Variants in SPRTN observed in about 807,000 individuals in gnomAD.
The protein encoded by SPRTN is SprT-like N-terminal domain.
SPRTN carries 11 observed loss-of-function variants against 31.9 expected under a neutral mutation model. That is an observed-to-expected ratio of 0.34 (90% CI 0.22 to 0.57). The LOEUF is 0.57. Among genes scored for constraint, SPRTN ranks in the 20% least tolerant of loss-of-function variants. The probability of loss-of-function intolerance (pLI) is 0.86; values close to 1 mark genes in which losing one functional copy is unlikely to be tolerated. For synonymous variants in SPRTN, 185 were observed against 212.1 expected (o/e 0.87, Z 1.11); for missense variants, 482 against 590.1 (o/e 0.82, Z 1.90).
chr1:231,340,060 A>AAC, intron 2 of SPRTN, 192 bp downstream of exon 2: 1 of 495,850 alleles, frequency 2.0e-6, no homozygotes, highest in East Asian at 3.8e-5. Context: ...AAAAAAAAAA[A>AAC]ACAAAAAAAA....
chr1:231,346,632 G>GT (rs944213380), intron 2 of SPRTN, among the ~76,000 whole-genome samples: 3 of 152,044 alleles, frequency 2.0e-5, no homozygotes, highest in African/African-American at 4.8e-5. Context: ...TTTACTTGGT[G>GT]TTTTTTTCCT....
intron 2 of SPRTN, among the ~76,000 whole-genome samples, chr1:231,346,168 T>TTTTTCTTTTC (rs1214467140): frequency 8.3e-6 from 1 of 120,562 alleles, no homozygotes; most frequent in Non-Finnish European, 1.7e-5. Flanking sequence ...AGTTGGGCAT[T>TTTTTCTTTTC]TTTTCTTTTC....
At position 231,353,295 on chromosome 1, in the gene SPRTN, T is replaced by A; in HGVS notation, c.1404T>A (p.Ile468=). The part of the protein sequence containing the change: ...VCQNEVLESQ[I]NEHLDWCLEG... ...AGAATGAAGTTCTGGAGTCTCAGAT[T>A]AATGAGCACTTGGACTGGTGCCTTG... Residue 468 remains isoleucine (I), a synonymous_variant, in exon 5 of 5, where the codon ATT becomes ATA. Coordinates refer to ENST00000295050, the MANE Select transcript of SPRTN (RefSeq NM_032018.7). 1 of 1,612,130 alleles carries A rather than the reference T, an allele frequency of 6.2e-7. No individual in the cohort carries two copies. The highest frequency in any genetic ancestry group is 1.3e-5 in the African/African-American group (1 of 74,894).
chr1:231,340,055 A>AAAAAAAAC, intron 2 of SPRTN, 187 bp downstream of exon 2: 1 of 500,426 alleles, frequency 2.0e-6, no homozygotes, highest in South Asian at 2.5e-5. Flanking sequence ...AGTAAAAAAA[A>AAAAAAAAC]AAAAAACAAA....
chr1:231,342,017 A>G (rs935853224), intron 2 of SPRTN, among the ~76,000 whole-genome samples: 16 of 152,160 alleles, frequency 1.1e-4, no homozygotes, highest in African/African-American at 3.4e-4. Context: ...GGCCCAAGCA[A>G]TCCTCCCGCC....
rs1485719987 is a variant in SPRTN, at chr1:231,351,482, TA to T, written c.634del (p.Ile212SerfsTer17). Reference protein sequence around the residue: ...EHQKTCGGTYIKIKEPENYSK... With the variant: ...EHQKTCGGTYXKIKEPENYSK... ...CAGAAAACCTGTGGAGGCACTTACATAAAAATCAAGGAACCAGAGAATTACT... is the reference window on the plus strand; with the variant it reads ...CAGAAAACCTGTGGAGGCACTTACATAAAATCAAGGAACCAGAGAATTACT... On this transcript the variant is annotated frameshift_variant, in exon 4 of 5. Coordinates refer to ENST00000295050, the MANE Select transcript of SPRTN (RefSeq NM_032018.7). LOFTEE classifies it high-confidence loss of function. The T allele has an allele frequency of 3.1e-6, 5 of 1,613,852 alleles. No individual in the cohort carries two copies. Among genetic ancestry groups the T allele is most frequent in the Non-Finnish European group, 4.2e-6 (5 of 1,179,962 alleles).
chr1:231,347,346 TG>T (rs1332465751), intron 2 of SPRTN, among the ~76,000 whole-genome samples: 5 of 151,888 alleles, frequency 3.3e-5, no homozygotes, highest in African/African-American at 1.2e-4. Context: ...TAGAATGAGG[TG>T]GGTTTTTTGT....
intron 4 of SPRTN, chr1:231,352,247 T>C (rs203742): frequency 0.11 from 113,721 of 1,007,996 alleles, 6,777 homozygotes; most frequent in Non-Finnish European, 0.12. Context: ...AAAGACCGTA[T>C]CTTCATTTTC....
chr1:231,338,361 C>T lies in SPRTN; in HGVS notation c.-23C>T, dbSNP rs768400614. 4 of 1,611,184 alleles carry T rather than the reference C, an allele frequency of 2.5e-6. No homozygotes were observed. The highest frequency in any genetic ancestry group is 1.1e-5 in the South Asian group (1 of 90,990). The stretch of plus-strand genomic sequence containing the variant: ...GGGGAGCCAGCCTGACGCCGGCGGA[C>T]CCCGCCTGTGATCCTGGCAACGATG... On this transcript the variant is annotated 5_prime_UTR_variant, in exon 1 of 5. Transcript: ENST00000295050.
Position 231,347,631 on chromosome 1 carries a change from T to G in SPRTN, c.322-166T>G, listed in dbSNP as rs1237762510. 1.0e-5 allele frequency: 8 copies of G among 768,598 alleles called. No individual in the cohort carries two copies. The African/African-American group carries it at 1.3e-4, about 12-fold the overall frequency. 47.6% of individuals were successfully genotyped at this position (768,598 alleles called of 1,614,324 possible). A position where few individuals can be genotyped will look rare whatever the true frequency, so the allele number is the denominator to read the frequency against. ...CTCCCACCTTTGCCTCCCAAAGTGT[T>G]GGGATTACAGGTGTGAGCCACTGCA... On this transcript the variant is annotated intron_variant, in intron 2 of 4. Transcript: ENST00000295050.
chr1:231,349,211 C>G (rs1274429377), intron 3 of SPRTN, among the ~76,000 whole-genome samples: 1 of 151,970 alleles, frequency 6.6e-6, no homozygotes, highest in Non-Finnish European at 1.5e-5. Flanking sequence ...CTCATGGGTT[C>G]AAGTGATCCT....
intron 2 of SPRTN, among the ~76,000 whole-genome samples, chr1:231,340,366 C>CA (rs1399515959): frequency 2.0e-5 from 3 of 151,824 alleles, no homozygotes; most frequent in African/African-American, 2.4e-5. Flanking sequence ...GACTCTGTCT[C>CA]AAAAAAATAA....
intron 2 of SPRTN, among the ~76,000 whole-genome samples, chr1:231,344,310 T>C (rs1457484677): frequency 1.3e-5 from 2 of 152,088 alleles, no homozygotes; most frequent in Non-Finnish European, 1.5e-5. Flanking sequence ...AGTTGACCTG[T>C]CTGGGTAAGA....
chr1:231,346,007 G>T (rs1435427801), intron 2 of SPRTN, among the ~76,000 whole-genome samples: 1 of 151,842 alleles, frequency 6.6e-6, no homozygotes, highest in African/African-American at 2.4e-5. Flanking sequence ...TAGAGACAAG[G>T]TCTCACTATG....
chr1:231,352,826 A>G lies in SPRTN; in HGVS notation c.935A>G (p.Asn312Ser). 6.2e-7 allele frequency: 1 copy of G among 1,613,808 alleles called. No homozygotes were observed. The change falls in exon 5 of 5, where the codon AAT becomes AGT. Residue 312 changes from asparagine (N) to serine (S), a missense_variant. Physicochemically the swap from Asn to Ser is conservative, Grantham distance 46. Coordinates refer to ENST00000295050, the MANE Select transcript of SPRTN (RefSeq NM_032018.7). ...VKFEQNGSSKNSHLVSPAVSN... is the reference protein window; with the variant it reads ...VKFEQNGSSKSSHLVSPAVSN... ...TTTGAACAGAATGGTTCAAGTAAAA[A>G]TTCTCATCTGGTCTCCCCTGCTGTT...
intron 2 of SPRTN, 180 bp downstream of exon 2, chr1:231,340,048 A>T: frequency 3.7e-5 from 6 of 160,752 alleles, no homozygotes; most frequent in East Asian, 1.2e-4. Context: ...GCTTCATAGT[A>T]AAAAAAAAAA....
chr1:231,352,695 A>G lies in SPRTN; in HGVS notation c.804A>G (p.Ser268=), dbSNP rs200084729. ...YVLGETSNLP[S]PGKLITSHAI... ...TAGGAGAAACAAGCAATTTACCTTC[A>G]CCTGGGAAACTGATCACTTCACATG... The change falls in exon 5 of 5, where the codon TCA becomes TCG. Residue 268 remains serine, a synonymous_variant. Coordinates refer to ENST00000295050, the MANE Select transcript of SPRTN (RefSeq NM_032018.7). 14 of 1,614,006 alleles carry G rather than the reference A, an allele frequency of 8.7e-6. No individual in the cohort carries two copies. Among genetic ancestry groups the G allele is most frequent in the Non-Finnish European group, 7.6e-6 (9 of 1,179,944 alleles).
chr1:231,347,606 C>T (rs1297076638), intron 2 of SPRTN, 191 bp from the exon 3 acceptor site: 2 of 592,626 alleles, frequency 3.4e-6, no homozygotes, highest in Non-Finnish European at 5.4e-6. Context: ...TCAAGTGACC[C>T]TCCCACCTTT....
At chr1:231,340,762 C>T (rs1686858722) in intron 2 of SPRTN, among the ~76,000 whole-genome samples, 2 of 151,092 alleles carry the variant, frequency 1.3e-5, no homozygotes, top group Non-Finnish European at 1.5e-5. Flanking sequence ...CGTACCATTG[C>T]ATTCCAGCCT....
Sources: gnomAD v4.1 joint callset for allele counts (sites outside exome capture counted in the v4.1 genomes callset) on GRCh38, gnomAD v4.1.1 for gene constraint, MANE v1.5 for transcripts, NCBI Gene and HGNC (gene_info 2026-07-23, HGNC 2026-07-21) for gene names.